The following SAMMSON variants were observed in gnomAD, a reference collection of about 807,000 sequenced individuals.
The protein encoded by SAMMSON is long intergenic non-protein coding RNA 1212.
At chr3:70,307,661 C>G (rs1702415379) in intron 7 of SAMMSON, among the ~76,000 whole-genome samples, 1 of 152,116 alleles carries the variant, frequency 6.6e-6, no homozygotes, top group Non-Finnish European at 1.5e-5. Flanking sequence ...GTCACCACCC[C>G]CTTCCCTTAA....
intron 4 of SAMMSON, among the ~76,000 whole-genome samples, chr3:70,176,513 T>G (rs1701011587): frequency 6.6e-6 from 1 of 152,198 alleles, no homozygotes; most frequent in Non-Finnish European, 1.5e-5. Flanking sequence ...GGAATTTTCT[T>G]TCTTTTCCAA....
chr3:70,118,424 C>A (rs1333714036), intron 4 of SAMMSON, among the ~76,000 whole-genome samples: 2 of 152,024 alleles, frequency 1.3e-5, no homozygotes, highest in Non-Finnish European at 2.9e-5. Context: ...AATCTTTTTT[C>A]CCCCAACCTT....
At chr3:70,395,331 CT>C (rs71126501) in intron 2 of SAMMSON, among the ~76,000 whole-genome samples, 21,549 of 113,346 alleles carry the variant, frequency 0.19, 1,420 homozygotes, top group South Asian at 0.28. Context: ...CTCTCTCTCT[CT>C]TTTTTTTTTT....
intron 3 of SAMMSON, among the ~76,000 whole-genome samples, chr3:70,018,560 GT>G (rs1377201743): frequency 6.6e-6 from 1 of 151,970 alleles, no homozygotes; most frequent in Admixed American, 6.6e-5. Context: ...TTTTTGAAGG[GT>G]TTTTTGTGTC....
At chr3:70,039,307 A>G (rs961617703) in intron 3 of SAMMSON, among the ~76,000 whole-genome samples, 1 of 152,096 alleles carries the variant, frequency 6.6e-6, no homozygotes, top group African/African-American at 2.4e-5. Context: ...TTATGTGCCA[A>G]CTTAGTGGGT....
intron 6 of SAMMSON, among the ~76,000 whole-genome samples, chr3:70,273,901 C>A (rs1404451923): frequency 6.6e-6 from 1 of 152,098 alleles, no homozygotes; most frequent in African/African-American, 2.4e-5. Flanking sequence ...CTCCTAGGCT[C>A]AAGTCATTCT....
intron 3 of SAMMSON, among the ~76,000 whole-genome samples, chr3:70,055,067 A>C (rs533273314): frequency 1.3e-5 from 2 of 152,156 alleles, no homozygotes; most frequent in South Asian, 4.2e-4. Flanking sequence ...GTTTTTTTAA[A>C]TGTCCTTATA....
chr3:70,065,429 G>C (rs748221956), intron 3 of SAMMSON: 1 of 152,070 alleles, frequency 6.6e-6, no homozygotes, highest in Non-Finnish European at 1.5e-5. Flanking sequence ...GATACAGTCT[G>C]TTGGGCCAAA....
chr3:70,434,244 G>T (rs1037139817), intron 2 of SAMMSON, among the ~76,000 whole-genome samples: 2 of 152,250 alleles, frequency 1.3e-5, no homozygotes, highest in Admixed American at 1.3e-4. Flanking sequence ...GCAATATTGA[G>T]ACTTCTTATC....
chr3:70,212,060 G>T (rs1054854991), intron 4 of SAMMSON, among the ~76,000 whole-genome samples: 2 of 151,856 alleles, frequency 1.3e-5, no homozygotes, highest in Non-Finnish European at 2.9e-5. Context: ...GCCCTTGAAG[G>T]CCGTATTTGT....
intron 6 of SAMMSON, among the ~76,000 whole-genome samples, chr3:70,268,077 A>G (rs1701938004): frequency 6.9e-6 from 1 of 145,758 alleles, no homozygotes. Flanking sequence ...TAAGGACTTC[A>G]TTGTTTTTAG....
At chr3:70,204,135 A>G (rs886066170) in intron 4 of SAMMSON, among the ~76,000 whole-genome samples, 1 of 152,164 alleles carries the variant, frequency 6.6e-6, no homozygotes, top group Admixed American at 6.5e-5. Flanking sequence ...CAATGTATAT[A>G]AATAATAGAT....
intron 4 of SAMMSON, among the ~76,000 whole-genome samples, chr3:70,154,468 C>A (rs2067584101): frequency 6.6e-6 from 1 of 152,024 alleles, no homozygotes; most frequent in South Asian, 2.1e-4. Context: ...TACATTGCCT[C>A]TCATGTACCC....
intron 4 of SAMMSON, among the ~76,000 whole-genome samples, chr3:70,234,844 G>A (rs1383832550): frequency 6.6e-6 from 1 of 152,128 alleles, no homozygotes; most frequent in Non-Finnish European, 1.5e-5. Context: ...CACATGGAAT[G>A]CCTCCTCTTC....
intron 4 of SAMMSON, among the ~76,000 whole-genome samples, chr3:70,216,523 G>A (rs1435303129): frequency 6.6e-6 from 1 of 152,040 alleles, no homozygotes; most frequent in African/African-American, 2.4e-5. Flanking sequence ...AAGTGATGGA[G>A]CTAGAATTTT....
At chr3:70,166,854 C>T (rs2067639397) in intron 4 of SAMMSON, among the ~76,000 whole-genome samples, 3 of 151,732 alleles carry the variant, frequency 2.0e-5, no homozygotes, top group South Asian at 4.2e-4. Flanking sequence ...CTTTCCTTGC[C>T]CTCCAAGGAA....
chr3:70,320,785 A>C (rs1166684165), intron 7 of SAMMSON, among the ~76,000 whole-genome samples: 1 of 152,102 alleles, frequency 6.6e-6, no homozygotes, highest in Admixed American at 6.6e-5. Context: ...ATTAGCATTT[A>C]CCTACTTAGG....
At chr3:70,049,756 A>G (rs1221859825) in intron 3 of SAMMSON, among the ~76,000 whole-genome samples, 1 of 152,126 alleles carries the variant, frequency 6.6e-6, no homozygotes, top group Non-Finnish European at 1.5e-5. Context: ...TTGCTGAATT[A>G]TTAAGAAACA....
chr3:70,277,744 G>A (rs1343689267), intron 6 of SAMMSON, among the ~76,000 whole-genome samples: 1 of 152,060 alleles, frequency 6.6e-6, no homozygotes, highest in African/African-American at 2.4e-5. Flanking sequence ...AACAGGGAGG[G>A]GTGTGCTTGA....
Sources: allele counts gnomAD v4.1 joint callset (sites outside exome capture counted in the v4.1 genomes callset), GRCh38; gene constraint gnomAD v4.1.1; transcripts MANE v1.5; gene names NCBI Gene and HGNC (gene_info 2026-07-23, HGNC 2026-07-21).